Variants in WDHD1 observed in about 807,000 individuals in gnomAD.
The protein encoded by WDHD1 is WD repeat and HMG-box DNA-binding protein 1.
A neutral mutation model predicts 135.4 loss-of-function variants in WDHD1; 111 were observed. The ratio of observed to expected loss-of-function variants is 0.82; its 90% confidence interval spans 0.70 to 0.96. The LOEUF is 0.96. Ranked by LOEUF, WDHD1 falls within the 40% of genes least tolerant of loss-of-function variation. WDHD1 has a pLI of 0.00. For synonymous variants in WDHD1, 434 were observed against 439.0 expected, an observed-to-expected ratio of 0.99 and a Z score of 0.14; for missense variants, 1,351 against 1,336.3, an observed-to-expected ratio of 1.01 and a Z score of -0.17.
rs2140159179 is a variant in WDHD1, at chr14:54,955,607, A to G, written c.3004T>C (p.Ser1002Pro). Residue 1002 changes from serine (S) to proline (P), a missense_variant, in exon 24 of 26, where the codon TCT becomes CCT. Physicochemically the swap from Ser to Pro is moderately conservative, Grantham distance 74. Coordinates refer to ENST00000360586, the MANE Select transcript of WDHD1 (RefSeq NM_007086.4). ...VKEENLKNVLSETPAICPPQN... is the reference protein window; with the variant it reads ...VKEENLKNVLPETPAICPPQN... ...GGAGGACATATAGCTGGGGTTTCAG[A>G]TAATACATTTTTAAGATTTTCTTCT... 1 of 1,595,748 alleles carries G rather than the reference A, an allele frequency of 6.3e-7. No homozygotes were observed. The highest frequency in any genetic ancestry group is 8.5e-7 in the Non-Finnish European group (1 of 1,173,838).
chr14:54,973,169 C>T lies in WDHD1; in HGVS notation c.2064-5775G>A, dbSNP rs372302590. On this transcript the variant is annotated intron_variant, in intron 16 of 25. Transcript: ENST00000360586. ...ATTTTCATAAAGTCATTTAAAAAGA[C>T]GAAATCTCTTTTTGAATGCTTACTA... Among the ~76,000 whole-genome samples the T allele has an allele frequency of 8.5e-5, 13 of 152,090 alleles. No individual in the cohort carries two copies. The South Asian group carries it at 1.0e-3, about 12-fold the overall frequency.
chr14:55,005,648 T>C, intron 7 of WDHD1: 2 of 575,892 alleles, frequency 3.5e-6, no homozygotes, highest in Non-Finnish European at 3.3e-6. Flanking sequence ...CTTAAGGACA[T>C]CCTCCTCCTT....
chr14:54,957,379 C>T (rs749002719), intron 22 of WDHD1, among the ~76,000 whole-genome samples, 175 bp from the exon 23 acceptor site: 1 of 152,142 alleles, frequency 6.6e-6, no homozygotes, highest in Admixed American at 6.6e-5. Context: ...AATACCACAT[C>T]CCCAAGAAAG....
intron 7 of WDHD1, chr14:55,005,353 G>A (rs2042048010): frequency 7.1e-6 from 4 of 562,268 alleles, no homozygotes; most frequent in Admixed American, 3.8e-5. Flanking sequence ...AGGCTGCCTG[G>A]ATCTGGTTAA....
Position 55,013,573 on chromosome 14 carries a change from T to A in WDHD1, c.101A>T (p.Asp34Val), listed in dbSNP as rs984820734. Residue 34 changes from aspartate to valine, a missense_variant, in exon 3 of 26, where the codon GAT (aspartate) becomes GTT (valine). Around this residue, in one of 2 missense-constraint regions of WDHD1, gnomAD observed 1,330 missense variants for 1,296.1 expected, o/e 1.03. Transcript: ENST00000360586. ...SGSFIVTCGS[D>V]GDVRIWEDLD... The stretch of plus-strand genomic sequence containing the variant: ...GTCTTCCCAAATCCTCACATCACCA[T>A]CACTTCCACAAGTCACAATAAAACT... 1 of 1,613,874 alleles carries A rather than the reference T, an allele frequency of 6.2e-7. No individual in the cohort carries two copies. The highest frequency in any genetic ancestry group is 1.3e-5 in the African/African-American group (1 of 75,000).
At chr14:54,952,989 G>T (rs534049366) in intron 24 of WDHD1, among the ~76,000 whole-genome samples, 8 of 152,288 alleles carry the variant, frequency 5.3e-5, no homozygotes, top group African/African-American at 1.9e-4. Context: ...ATGGATTAAA[G>T]ACTTAAATGT....
At chr14:54,974,091 T>TAA (rs75249088) in intron 16 of WDHD1, among the ~76,000 whole-genome samples, 4,642 of 141,218 alleles carry the variant, frequency 0.033, 226 homozygotes, top group African/African-American at 0.11. Flanking sequence ...AAGAGGAATT[T>TAA]AAAAAAAAAA....
chr14:54,980,849 G>A (rs932408596), intron 16 of WDHD1, among the ~76,000 whole-genome samples: 4 of 144,456 alleles, frequency 2.8e-5, no homozygotes, highest in Admixed American at 7.1e-5. Flanking sequence ...GGTGGCTCAT[G>A]CCTGTAATCC....
At chr14:54,966,446 A>T (rs371678395) in intron 18 of WDHD1, 29 bp downstream of exon 18, 268 of 1,581,134 alleles carry the variant, frequency 1.7e-4, no homozygotes, top group Non-Finnish European at 2.1e-4. Context: ...ATTTAACTTT[A>T]ACGTTTTCAG....
At chr14:54,955,789 TATTGAG>T in intron 23 of WDHD1, 95 bp from the exon 24 acceptor site, 1 of 1,136,812 alleles carries the variant, frequency 8.8e-7, no homozygotes, top group Non-Finnish European at 1.1e-6. Flanking sequence ...CATCTATAAT[TATTGAG>T]AATTCTTATA....
At chr14:54,962,914 C>G (rs2140167807) in intron 19 of WDHD1, 38 bp downstream of exon 19, 1 of 1,612,274 alleles carries the variant, frequency 6.2e-7, no homozygotes, top group Non-Finnish European at 8.5e-7. Context: ...ACATTCAAGA[C>G]AGTAAAGGAA....
chr14:54,958,529 G>A (rs2041197877), intron 21 of WDHD1, among the ~76,000 whole-genome samples: 2 of 152,142 alleles, frequency 1.3e-5, no homozygotes, highest in African/African-American at 4.8e-5. Context: ...CCACCCTACA[G>A]AATCTCCTCT....
chr14:54,942,703 G>A (rs148749080), intron 25 of WDHD1, among the ~76,000 whole-genome samples: 37 of 152,250 alleles, frequency 2.4e-4, no homozygotes, highest in African/African-American at 8.9e-4. Context: ...CATTTCATCT[G>A]TCTCTAAAAT....
chr14:55,013,110 T>C (rs1174928977), intron 3 of WDHD1, among the ~76,000 whole-genome samples: 1 of 148,372 alleles, frequency 6.7e-6, no homozygotes, highest in Admixed American at 6.9e-5. Flanking sequence ...CCTACAGTCC[T>C]AGCTGCCCGG....
rs137965013 is a variant in WDHD1 at position 54,971,543 on chromosome 14, C to T, written c.2064-4149G>A. On this transcript the variant is annotated intron_variant, in intron 16 of 25. Coordinates refer to ENST00000360586, the MANE Select transcript of WDHD1 (RefSeq NM_007086.4). Reference sequence around the variant, plus strand: ...TAACCAAGGAGGTGAAAGATCTCTACAAGAACTACAAAACACTGTTGAAAG... The same window carrying T: ...TAACCAAGGAGGTGAAAGATCTCTATAAGAACTACAAAACACTGTTGAAAG... Among the ~76,000 whole-genome samples, 717 of 151,944 alleles carry T rather than the reference C, an allele frequency of 4.7e-3. 3 individuals carry two copies. The highest frequency in any genetic ancestry group is 7.5e-3 in the Non-Finnish European group (511 of 67,962).
rs148727670 is a variant in WDHD1, at chr14:54,949,408, A to G, written c.3051-4938T>C. The stretch of plus-strand genomic sequence containing the variant: ...ACTGGAAGAAAGGGTATCAGTGATC[A>G]AAGATCAAATGAATGAAATGAAGCG... On this transcript the variant is annotated intron_variant, in intron 24 of 25. Transcript: ENST00000360586. Among the ~76,000 whole-genome samples the G allele has an allele frequency of 5.9e-3, 899 of 152,286 alleles. 11 individuals are homozygous for G. The highest frequency in any genetic ancestry group is 0.02 in the African/African-American group (845 of 41,564).
Position 54,939,273 on chromosome 14 carries a change from G to GGA in WDHD1, c.*2215_*2216dup, listed in dbSNP as rs1446689474. 1 of 152,120 alleles carries GGA rather than the reference G, an allele frequency of 6.6e-6. No individual in the cohort carries two copies. The highest frequency in any genetic ancestry group is 1.9e-4 in the East Asian group (1 of 5,200). 9.4% of individuals were successfully genotyped at this position (152,120 alleles called of 1,614,324 possible). A position where few individuals can be genotyped will look rare whatever the true frequency, so the allele number is the denominator to read the frequency against. The stretch of plus-strand genomic sequence containing the variant: ...ATGGGCCTCATCCTTTTGTCCAAAG[G>GGA]GACTACCTGGCATCTGTTCCATGTT... On this transcript the variant is annotated 3_prime_UTR_variant, in exon 26 of 26. Transcript: ENST00000360586.
intron 7 of WDHD1, chr14:55,005,422 C>T: frequency 1.8e-6 from 1 of 570,898 alleles, no homozygotes; most frequent in Non-Finnish European, 3.4e-6. Context: ...CAGCAGCAAA[C>T]TTCAGCATGG....
chr14:54,946,225 G>GT (rs2040922555), intron 24 of WDHD1, among the ~76,000 whole-genome samples: 2 of 152,122 alleles, frequency 1.3e-5, no homozygotes, highest in Admixed American at 6.5e-5. Flanking sequence ...TTCTTTCTTT[G>GT]TTTTTTAAAG....
Sources: allele counts gnomAD v4.1 joint callset (sites outside exome capture counted in the v4.1 genomes callset), GRCh38; gene constraint gnomAD v4.1.1; regional missense constraint gnomAD v4.1.1; transcripts MANE v1.5; gene names NCBI Gene and HGNC (gene_info 2026-07-23, HGNC 2026-07-21).